BBS9: variants seen among roughly 807,000 people sequenced by gnomAD.
BBS9 encodes protein PTHB1.
BBS9 carries 89 observed loss-of-function variants against 117.7 expected under a neutral mutation model. The ratio of observed to expected loss-of-function variants is 0.76; its 90% CI spans 0.64 to 0.90. BBS9 has a LOEUF of 0.90. Ranked by LOEUF, BBS9 falls within the 40% of genes least tolerant of loss-of-function variation. BBS9 has a pLI of 0.00. For missense variants in BBS9, 982 were observed against 1,042.2 expected (o/e 0.94, Z 0.80); for synonymous variants, 379 against 370.9 (o/e 1.02, Z -0.25).
Position 33,152,668 on chromosome 7 carries a change from C to T in BBS9, c.113-33C>T, listed in dbSNP as rs1292182467. The T allele has an allele frequency of 2.5e-6, 4 of 1,568,682 alleles. No individual in the cohort carries two copies. The South Asian group carries it at 3.4e-5, about 13-fold the overall frequency. ...AAGAGATTTGCTAATGTTTGTTTCT[C>T]CCTCTATCTTTTTTTTTTTAAATTC... On this transcript the variant is annotated intron_variant, in intron 2 of 22. Transcript: ENST00000242067.
intron 20 of BBS9, among the ~76,000 whole-genome samples, chr7:33,515,506 C>T (rs1233064876): frequency 2.0e-5 from 3 of 152,190 alleles, no homozygotes; most frequent in Admixed American, 6.5e-5. Context: ...TCCTTTTCGA[C>T]TAAACTCAAA....
chr7:33,328,537 G>A (rs1335238885), intron 9 of BBS9, among the ~76,000 whole-genome samples: 1 of 152,192 alleles, frequency 6.6e-6, no homozygotes, highest in Non-Finnish European at 1.5e-5. Flanking sequence ...GAAGGGAAAT[G>A]CCTTTCAATC....
intron 20 of BBS9, among the ~76,000 whole-genome samples, chr7:33,507,592 T>C (rs144611344): frequency 0.014 from 2,134 of 152,306 alleles, 27 homozygotes; most frequent in Middle Eastern, 0.099. Context: ...ACAACTACAC[T>C]TAAGAATGAT....
At chr7:33,238,234 A>G (rs950280131) in intron 5 of BBS9, among the ~76,000 whole-genome samples, 1 of 152,182 alleles carries the variant, frequency 6.6e-6, no homozygotes, top group Non-Finnish European at 1.5e-5. Context: ...GTCCCATGGC[A>G]GAGTCAGTCA....
At chr7:33,428,579 G>T (rs1833965694) in intron 19 of BBS9, among the ~76,000 whole-genome samples, 1 of 152,032 alleles carries the variant, frequency 6.6e-6, no homozygotes, top group Non-Finnish European at 1.5e-5. Context: ...GATTGACTTG[G>T]CTTTATAGGG....
At chr7:33,285,621 GGCTTAAAATGGAGAAGCACAAGAATTGT>G in intron 9 of BBS9, among the ~76,000 whole-genome samples, 1 of 152,114 alleles carries the variant, frequency 6.6e-6, no homozygotes, top group Non-Finnish European at 1.5e-5. Context: ...ATATTGATGG[GGCTTAAAATGGAGAAGCACAAGAATTGT>G]GCTTATAATG....
chr7:33,376,141 T>C (rs1823843982), intron 17 of BBS9, among the ~76,000 whole-genome samples: 1 of 152,120 alleles, frequency 6.6e-6, no homozygotes, highest in African/African-American at 2.4e-5. Context: ...GTACTAAGTG[T>C]AGTACCTGAA....
rs534504674 is a variant in BBS9 at position 33,526,083 on chromosome 7, C to A, written c.2299-7871C>A. Among the ~76,000 whole-genome samples, 210 of 151,600 alleles carry A rather than the reference C, an allele frequency of 1.4e-3. 1 individual carries two copies. The highest frequency in any genetic ancestry group is 5.5e-3 in the South Asian group (26 of 4,770). ...AGAATGTTGAATATTGGCCTCCACT[C>A]TCTTCTGGCTTGTAGGGTTTCTGCT... is the stretch of plus-strand genomic sequence containing the variant. On this transcript the variant is annotated intron_variant, in intron 20 of 22. Transcript: ENST00000242067.
chr7:33,363,318 G>A (rs1563065412), intron 16 of BBS9, among the ~76,000 whole-genome samples: 1 of 152,112 alleles, frequency 6.6e-6, no homozygotes. Context: ...GGTCAGGGTG[G>A]TCTCGAACTC....
intron 9 of BBS9, among the ~76,000 whole-genome samples, chr7:33,324,600 AT>A (rs34915663): frequency 0.32 from 43,182 of 135,376 alleles, 6,352 homozygotes; most frequent in Non-Finnish European, 0.36. Flanking sequence ...GTTAACATCC[AT>A]TTTTTTTTTT....
chr7:33,261,267 G>C (rs1797939283), intron 6 of BBS9, among the ~76,000 whole-genome samples: 1 of 152,128 alleles, frequency 6.6e-6, no homozygotes, highest in Non-Finnish European at 1.5e-5. Context: ...TGCTTTCACT[G>C]ATAGTAAACA....
intron 19 of BBS9, among the ~76,000 whole-genome samples, chr7:33,455,016 T>C (rs1838432907): frequency 6.6e-6 from 1 of 152,240 alleles, no homozygotes; most frequent in Non-Finnish European, 1.5e-5. Flanking sequence ...AATTCATTTT[T>C]CTTTTGTAAA....
At position 33,340,956 on chromosome 7, in the gene BBS9, A is replaced by C. The variant is rs1436119227; in HGVS notation, c.1258A>C (p.Asn420His). The C allele has an allele frequency of 6.2e-7, 1 of 1,613,574 alleles. No homozygotes were observed. Among genetic ancestry groups the C allele is most frequent in the African/African-American group, 1.3e-5 (1 of 75,014 alleles). Residue 420 changes from asparagine to histidine, a missense_variant, in exon 11 of 23, where the codon AAC becomes CAC. By Grantham distance (68) the Asn-to-His change is moderately conservative. Coordinates refer to ENST00000242067, the MANE Select transcript of BBS9 (RefSeq NM_198428.3). ...DLNVSVVVSP[N>H]FDSVSQATDV... Reference sequence around the variant, plus strand: ...GAACGTTTCTGTCGTGGTTTCTCCTAACTTTGATTCAGTTTCTGTAGGTGT... The same window carrying C: ...GAACGTTTCTGTCGTGGTTTCTCCTCACTTTGATTCAGTTTCTGTAGGTGT...
At chr7:33,482,035 G>A (rs1179030354) in intron 19 of BBS9, among the ~76,000 whole-genome samples, 2 of 152,188 alleles carry the variant, frequency 1.3e-5, no homozygotes, top group African/African-American at 4.8e-5. Context: ...AGTAGTTAAC[G>A]GTGTCTCTGA....
chr7:33,195,918 G>A (rs954549539), intron 5 of BBS9, among the ~76,000 whole-genome samples: 3 of 152,056 alleles, frequency 2.0e-5, no homozygotes, highest in African/African-American at 4.8e-5. Flanking sequence ...GTAGTCTCAC[G>A]TTTGTGACTG....
chr7:33,534,115 C>T lies in BBS9; in HGVS notation c.2460C>T (p.Ser820=), dbSNP rs142563811. The change falls in exon 21 of 23, where the codon TCC becomes TCT. Residue 820 remains serine (S), a synonymous_variant. Coordinates refer to ENST00000242067, the MANE Select transcript of BBS9 (RefSeq NM_198428.3). ...TCACCTTGCTCTGCGATAGATTATC[C>T]AAAGGTGGCCGTCTCTGCCTAAGTA... ...KHITLLCDRL[S]KGGRLCLSTD... is the part of the protein sequence containing the mutation. 878 of 1,614,034 alleles carry T rather than the reference C, an allele frequency of 5.4e-4. 2 individuals are homozygous for T. The highest frequency in any genetic ancestry group is 6.8e-4 in the Non-Finnish European group (805 of 1,180,036).
intron 21 of BBS9, among the ~76,000 whole-genome samples, chr7:33,555,454 C>A (rs752107145): frequency 3.3e-5 from 5 of 152,120 alleles, no homozygotes; most frequent in Non-Finnish European, 7.3e-5. Context: ...AGTAATTAAG[C>A]AGATACTCAA....
chr7:33,476,398 C>T (rs1202348713), intron 19 of BBS9, among the ~76,000 whole-genome samples: 4 of 152,172 alleles, frequency 2.6e-5, no homozygotes, highest in Non-Finnish European at 5.9e-5. Context: ...TCAGGATCCA[C>T]GTCAGCTGGG....
At chr7:33,267,194 T>C (rs1798977874) in intron 7 of BBS9, among the ~76,000 whole-genome samples, 1 of 152,182 alleles carries the variant, frequency 6.6e-6, no homozygotes, top group East Asian at 1.9e-4. Flanking sequence ...TAATCTTCTT[T>C]TTTCTGAGAC....
Sources: gnomAD v4.1 joint callset for allele counts (sites outside exome capture counted in the v4.1 genomes callset) on GRCh38, gnomAD v4.1.1 for gene constraint, MANE v1.5 for transcripts, NCBI Gene and HGNC (gene_info 2026-07-23, HGNC 2026-07-21) for gene names.